The following ARL15 variants were observed in gnomAD, a reference collection of about 807,000 sequenced individuals.
The protein encoded by ARL15 is ARF like GTPase 15.
A neutral mutation model predicts 25.2 loss-of-function variants in ARL15; 19 were observed. The observed-to-expected ratio is 0.75, with a 90% CI of 0.53 to 1.10. The LOEUF (loss-of-function observed/expected upper bound fraction) is 1.10. ARL15 is among the 50% of genes least tolerant of loss of function. The pLI, the probability that ARL15 is intolerant of heterozygous loss-of-function variation, is 0.00. For synonymous variants in ARL15, 94 were observed against 86.8 expected (o/e 1.08, Z -0.46); for missense variants, 220 against 246.0 (o/e 0.89, Z 0.71).
rs1754635563 is a variant in ARL15, at chr5:54,168,399, C to CG, written c.193+3384_193+3385insC. On this transcript the variant is annotated intron_variant, in intron 2 of 4. Transcript: ENST00000504924. ...TTAAAACTCTGTCACATTCTCCCTA[C>CG]TTTTTTTTTTTTTAACAATTCACCA... Among the ~76,000 whole-genome samples the CG allele has an allele frequency of 3.4e-5, 5 of 148,648 alleles. No individual in the cohort carries two copies. The South Asian group carries it at 1.1e-3, about 32-fold the overall frequency.
intron 1 of ARL15, among the ~76,000 whole-genome samples, chr5:54,216,081 G>A (rs1359506228): frequency 6.6e-6 from 1 of 152,102 alleles, no homozygotes; most frequent in Non-Finnish European, 1.5e-5. Context: ...TGGCTGGAGA[G>A]AAACATTGCT....
At chr5:54,277,960 A>C (rs1757966395) in intron 1 of ARL15, among the ~76,000 whole-genome samples, 1 of 152,174 alleles carries the variant, frequency 6.6e-6, no homozygotes, top group African/African-American at 2.4e-5. Context: ...CGTATGCTTC[A>C]AACAGTACCA....
chr5:54,143,936 A>T (rs1015735124), intron 3 of ARL15, among the ~76,000 whole-genome samples: 6 of 151,832 alleles, frequency 4.0e-5, no homozygotes, highest in Non-Finnish European at 8.8e-5. Flanking sequence ...ATAAACTTCA[A>T]TTTTTTTCTT....
At chr5:54,113,140 C>T (rs1475866413) in intron 4 of ARL15, 62 bp downstream of exon 4, 3 of 1,532,048 alleles carry the variant, frequency 2.0e-6, no homozygotes, top group Non-Finnish European at 1.8e-6. Context: ...TTTCCAGGTT[C>T]CAACGTGGCA....
chr5:53,914,519 C>T (rs1357368559), intron 4 of ARL15, among the ~76,000 whole-genome samples: 1 of 152,146 alleles, frequency 6.6e-6, no homozygotes, highest in South Asian at 2.1e-4. Context: ...TGACTGCTCC[C>T]TCAACCCAAG....
chr5:54,218,660 G>A (rs1756285734), intron 1 of ARL15, among the ~76,000 whole-genome samples: 1 of 152,106 alleles, frequency 6.6e-6, no homozygotes, highest in South Asian at 2.1e-4. Context: ...TGACATCCCA[G>A]ATTTGACAGA....
At chr5:54,191,560 T>C (rs954002461) in intron 1 of ARL15, among the ~76,000 whole-genome samples, 1 of 152,134 alleles carries the variant, frequency 6.6e-6, no homozygotes, top group Non-Finnish European at 1.5e-5. Context: ...GAAACTTTCC[T>C]CCTTAGTTAA....
chr5:54,171,734 C>T (rs1237084333), intron 2 of ARL15, 50 bp downstream of exon 2: 2 of 1,558,474 alleles, frequency 1.3e-6, no homozygotes, highest in Non-Finnish European at 1.7e-6. Context: ...GAAACTAGGA[C>T]ATCTTGGGAT....
chr5:54,124,631 T>C (rs936998151), intron 3 of ARL15, among the ~76,000 whole-genome samples: 1 of 152,152 alleles, frequency 6.6e-6, no homozygotes, highest in African/African-American at 2.4e-5. Context: ...CAATCTAAGG[T>C]CATGCACCAT....
At chr5:53,996,296 G>A (rs1458970677) in intron 4 of ARL15, among the ~76,000 whole-genome samples, 1 of 152,166 alleles carries the variant, frequency 6.6e-6, no homozygotes, top group African/African-American at 2.4e-5. Flanking sequence ...GAACAGAGCT[G>A]ATGCATGTGT....
At chr5:54,058,610 G>A (rs1427507767) in intron 4 of ARL15, among the ~76,000 whole-genome samples, 1 of 152,132 alleles carries the variant, frequency 6.6e-6, no homozygotes, top group Non-Finnish European at 1.5e-5. Flanking sequence ...CTGGGCAGAG[G>A]GAAAAGCACA....
chr5:54,225,592 G>A (rs145503857), intron 1 of ARL15, among the ~76,000 whole-genome samples: 4 of 152,244 alleles, frequency 2.6e-5, no homozygotes, highest in Admixed American at 6.5e-5. Flanking sequence ...CTTGTGAAGC[G>A]AAGGTTTCAG....
chr5:53,899,490 T>A (rs968529973), intron 4 of ARL15, among the ~76,000 whole-genome samples: 8 of 151,946 alleles, frequency 5.3e-5, no homozygotes, highest in African/African-American at 1.9e-4. Context: ...TCTAGTGTAA[T>A]CTTTATTATA....
At chr5:53,999,722 G>A (rs1057165381) in intron 4 of ARL15, among the ~76,000 whole-genome samples, 27 of 152,102 alleles carry the variant, frequency 1.8e-4, no homozygotes, top group African/African-American at 3.6e-4. Context: ...AGACCAGCCC[G>A]ACCAACATGG....
intron 4 of ARL15, among the ~76,000 whole-genome samples, chr5:53,898,593 AATTGT>A (rs1440752252): frequency 6.6e-6 from 1 of 151,906 alleles, no homozygotes; most frequent in African/African-American, 2.4e-5. Flanking sequence ...CAATTTTTTT[AATTGT>A]ATTCCTTCAT....
chr5:54,126,120 T>A (rs928540852), intron 3 of ARL15, among the ~76,000 whole-genome samples: 1 of 152,152 alleles, frequency 6.6e-6, no homozygotes, highest in Non-Finnish European at 1.5e-5. Flanking sequence ...TCTCCAAAAT[T>A]CTGTTCATCA....
At chr5:53,995,054 T>C (rs1748625162) in intron 4 of ARL15, among the ~76,000 whole-genome samples, 1 of 152,124 alleles carries the variant, frequency 6.6e-6, no homozygotes, top group Non-Finnish European at 1.5e-5. Flanking sequence ...CTCATGCCTG[T>C]AATCCCAGCA....
At chr5:54,125,813 A>C (rs748305676) in intron 3 of ARL15, among the ~76,000 whole-genome samples, 1 of 152,180 alleles carries the variant, frequency 6.6e-6, no homozygotes, top group Non-Finnish European at 1.5e-5. Flanking sequence ...CAAAGTTTAA[A>C]ATAAATTTGC....
chr5:54,215,583 C>A (rs942074079), intron 1 of ARL15, among the ~76,000 whole-genome samples: 3 of 149,794 alleles, frequency 2.0e-5, no homozygotes, highest in Non-Finnish European at 4.5e-5. Flanking sequence ...AGCGAAGAAA[C>A]CCCAGACTTA....
Sources: gnomAD v4.1 joint callset for allele counts (sites outside exome capture counted in the v4.1 genomes callset) on GRCh38, gnomAD v4.1.1 for gene constraint, MANE v1.5 for transcripts, NCBI Gene and HGNC (gene_info 2026-07-23, HGNC 2026-07-21) for gene names.